The following HPD variants were observed in gnomAD, a reference collection of about 807,000 sequenced individuals.
HPD encodes the protein 4-hydroxyphenylpyruvate dioxygenase, also known as 4-hydroxyphenylpyruvic acid oxidase.
HPD carries 35 observed loss-of-function variants against 56.9 expected under a neutral mutation model. The ratio of observed to expected loss-of-function variants is 0.62; its 90% CI spans 0.47 to 0.82. HPD has a LOEUF of 0.82. Among genes scored for constraint, HPD ranks in the 40% least tolerant of loss-of-function variants. The pLI, the probability that HPD is intolerant of heterozygous loss-of-function variation, is 0.00. For missense variants in HPD, 442 were observed against 506.8 expected (o/e 0.87, Z 1.23); for synonymous variants, 186 against 200.2 (o/e 0.93, Z 0.60).
chr12:121,859,684 A>G (rs1878126062), upstream of HPD, among the ~76,000 whole-genome samples: 1 of 152,080 alleles, frequency 6.6e-6, no homozygotes, highest in Non-Finnish European at 1.5e-5. Context: ...AGAGCCCCAA[A>G]CTCTGGCCTG....
chr12:121,877,420 CCAGGAGAGCAA>C, the HPD span, among the ~76,000 whole-genome samples: 1 of 151,962 alleles, frequency 6.6e-6, no homozygotes, highest in East Asian at 1.9e-4. Context: ...CCTAAATGTG[CCAGGAGAGCAA>C]CAGAGAAGAG....
the HPD span, among the ~76,000 whole-genome samples, chr12:121,885,470 G>A: frequency 1.3e-4 from 20 of 152,042 alleles, 1 homozygote; most frequent in South Asian, 3.5e-3. Context: ...AAAGTGCTGG[G>A]ATTACAGGTG....
chr12:121,887,219 T>A, the HPD span, among the ~76,000 whole-genome samples: 242 of 72,068 alleles, frequency 3.4e-3, 4 homozygotes, highest in East Asian at 0.037. Context: ...TTAATTATTA[T>A]TTTTTTTTTT....
At chr12:121,856,997 A>G in intron 4 of HPD, 1 of 494,506 alleles carries the variant, frequency 2.0e-6, no homozygotes, top group South Asian at 2.1e-5. Context: ...GCCGTGTTGC[A>G]TGGCTGTACA....
intron 12 of HPD, among the ~76,000 whole-genome samples, chr12:121,842,070 G>C (rs535731191): frequency 6.6e-6 from 1 of 152,050 alleles, no homozygotes; most frequent in Non-Finnish European, 1.5e-5. Flanking sequence ...TGGGGTGGGA[G>C]GGGGGAAGGG....
chr12:121,847,784 G>A (rs1249505759), intron 9 of HPD, among the ~76,000 whole-genome samples: 1 of 151,996 alleles, frequency 6.6e-6, no homozygotes, highest in Non-Finnish European at 1.5e-5. Context: ...TGATCCACCC[G>A]CCTCGGCCTC....
At chr12:121,848,604 G>T (rs190080957) in intron 9 of HPD, among the ~76,000 whole-genome samples, 1 of 151,334 alleles carries the variant, frequency 6.6e-6, no homozygotes, top group Non-Finnish European at 1.5e-5. Flanking sequence ...GAGCAAGTGC[G>T]CCCGGTCTAT....
chr12:121,880,644 A>G, the HPD span, among the ~76,000 whole-genome samples: 2 of 152,172 alleles, frequency 1.3e-5, no homozygotes, highest in South Asian at 2.1e-4. Context: ...ATTTATATTA[A>G]TAAGTATCTT....
At chr12:121,869,312 T>C in the HPD span, among the ~76,000 whole-genome samples, 1 of 146,504 alleles carries the variant, frequency 6.8e-6, no homozygotes, top group African/African-American at 2.5e-5. Context: ...ATCGCGCCAT[T>C]GCCCTCCAGC....
upstream of HPD, chr12:121,859,249 A>G: frequency 3.1e-6 from 1 of 318,512 alleles, no homozygotes; most frequent in East Asian, 7.7e-5. Flanking sequence ...TTTGCGTCAC[A>G]GCGTTGTATT....
upstream of HPD, among the ~76,000 whole-genome samples, chr12:121,865,593 G>GAAAAAAA (rs749573130): frequency 6.8e-6 from 1 of 146,870 alleles, no homozygotes. Flanking sequence ...CAAAAAAAAG[G>GAAAAAAA]AAAAAAAAAA....
In HPD at chr12:121,843,769, G is replaced by C; in HGVS notation, c.895C>G (p.Leu299Val). The C allele has an allele frequency of 6.2e-7, 1 of 1,614,146 alleles. No homozygotes were observed. Among genetic ancestry groups the C allele is most frequent in the Non-Finnish European group, 8.5e-7 (1 of 1,180,018 alleles). Residue 299 changes from leucine to valine, a missense_variant, in exon 12 of 14, where the codon CTG becomes GTG. By Grantham distance (32) the Leu-to-Val change is conservative. Coordinates refer to ENST00000289004, the MANE Select transcript of HPD (RefSeq NM_002150.3). ...LSVPSTYYKQLREKLKTAKIK... is the reference protein window; with the variant it reads ...LSVPSTYYKQVREKLKTAKIK... ...TTGGCCGTCTTCAGCTTCTCCCGCA[G>C]TTGTTTGTAGTACGTGGAGGGAACA...
At chr12:121,854,609 A>G in intron 7 of HPD, 94 bp downstream of exon 7, 1 of 878,130 alleles carries the variant, frequency 1.1e-6, no homozygotes, top group Non-Finnish European at 2.0e-6. Context: ...TCCAAGGCCC[A>G]TGGGTGGGAT....
the HPD span, among the ~76,000 whole-genome samples, chr12:121,870,273 C>T: frequency 1.3e-5 from 2 of 152,094 alleles, no homozygotes; most frequent in Non-Finnish European, 2.9e-5. Context: ...ATTCCATGCT[C>T]TGCTCTTTAC....
rs1176954964 is a variant in HPD, at chr12:121,852,622, C to CTTTTTTTTTT, written c.414+2071_414+2080dup. On this transcript the variant is annotated intron_variant, in intron 7 of 13. Transcript: ENST00000289004. ...TATACACAAATGACCTCATTGGATCCTTTTTTTTTTTTTTTTTTTTTTTTT... is the reference window on the plus strand; with the variant it reads ...TATACACAAATGACCTCATTGGATCCTTTTTTTTTTTTTTTTTTTTTTTTTTTTTTTTTTT... 2.0e-4 allele frequency among the ~76,000 whole-genome samples: 14 copies of CTTTTTTTTTT among 70,506 alleles called. 2 individuals are homozygous for CTTTTTTTTTT. Among genetic ancestry groups the CTTTTTTTTTT allele is most frequent in the African/African-American group, 8.6e-4 (14 of 16,192 alleles). 46.3% of individuals were successfully genotyped at this position (70,506 alleles called of 152,430 possible).
chr12:121,854,602 A>G (rs1877925422), intron 7 of HPD, 101 bp downstream of exon 7: 1 of 855,662 alleles, frequency 1.2e-6, no homozygotes, highest in Non-Finnish European at 2.0e-6. Flanking sequence ...TCTGTGCTCC[A>G]AGGCCCATGG....
intron 9 of HPD, among the ~76,000 whole-genome samples, chr12:121,847,578 C>T (rs934904774): frequency 3.3e-5 from 5 of 152,126 alleles, no homozygotes; most frequent in Non-Finnish European, 1.5e-5. Flanking sequence ...GCTCTTTTCG[C>T]CCAGGCTGGA....
upstream of HPD, among the ~76,000 whole-genome samples, chr12:121,867,194 A>C (rs563830854): frequency 6.6e-6 from 1 of 152,100 alleles, no homozygotes; most frequent in South Asian, 2.1e-4. Context: ...TCTACTAAAA[A>C]TACAAAAATT....
chr12:121,846,978 C>G (rs372468414), intron 10 of HPD, 45 bp from the exon 11 acceptor site: 1 of 1,613,212 alleles, frequency 6.2e-7, no homozygotes, highest in Non-Finnish European at 8.5e-7. Context: ...GCCCCATCAC[C>G]CACATCCCTG....
Sources: gnomAD v4.1 joint callset for allele counts (sites outside exome capture counted in the v4.1 genomes callset) on GRCh38, gnomAD v4.1.1 for gene constraint, MANE v1.5 for transcripts, NCBI Gene and HGNC (gene_info 2026-07-23, HGNC 2026-07-21) for gene names.